The following WDR59 variants were observed in gnomAD, a reference collection of about 807,000 sequenced individuals.
WDR59 encodes WD repeat domain 59, also known as GATOR2 complex protein WDR59.
A neutral mutation model predicts 131.2 loss-of-function variants in WDR59; 100 were observed. The observed-to-expected ratio is 0.76, with a 90% CI of 0.65 to 0.90. The LOEUF (loss-of-function observed/expected upper bound fraction) is 0.90. Among genes scored for constraint, WDR59 ranks in the 40% least tolerant of loss-of-function variants. The probability of loss-of-function intolerance (pLI) is 0.00; values close to 1 mark genes in which losing one functional copy is unlikely to be tolerated. For missense variants in WDR59, 1,203 were observed against 1,262.2 expected (o/e 0.95, Z 0.71); for synonymous variants, 601 against 466.2 (o/e 1.29, Z -3.72).
intron 18 of WDR59, among the ~76,000 whole-genome samples, chr16:74,898,394 A>AT (rs1417371784): frequency 1.3e-5 from 2 of 152,238 alleles, no homozygotes; most frequent in African/African-American, 4.8e-5. Context: ...TCAATAGAAA[A>AT]TGTCCTGTCC....
intron 6 of WDR59, among the ~76,000 whole-genome samples, chr16:74,943,516 A>C (rs909757831): frequency 2.6e-5 from 4 of 152,220 alleles, no homozygotes; most frequent in African/African-American, 9.6e-5. Context: ...TACTTAAGAC[A>C]GGAGGCATAA....
intron 1 of WDR59, among the ~76,000 whole-genome samples, chr16:74,981,813 G>C (rs971618000): frequency 7.0e-6 from 1 of 142,062 alleles, no homozygotes; most frequent in African/African-American, 2.6e-5. Flanking sequence ...ATGCCACTAT[G>C]GTCGGCTAAT....
intron 8 of WDR59, among the ~76,000 whole-genome samples, chr16:74,925,511 T>C (rs1049904357): frequency 6.7e-5 from 9 of 134,132 alleles, no homozygotes; most frequent in Non-Finnish European, 1.2e-4. Context: ...AACACTGCAC[T>C]CCAGCCTGGG....
chr16:74,921,893 A>G (rs1285313681), intron 10 of WDR59, 54 bp downstream of exon 10: 3 of 1,577,868 alleles, frequency 1.9e-6, no homozygotes, highest in Non-Finnish European at 2.6e-6. Context: ...ACTGACTGGC[A>G]CCGCTGTCAC....
rs542589689 is a variant in WDR59 at position 74,921,165 on chromosome 16, G to C, written c.886+782C>G. Among the ~76,000 whole-genome samples, 9 of 152,100 alleles carry C rather than the reference G, an allele frequency of 5.9e-5. No individual in the cohort carries two copies. The South Asian group carries it at 1.9e-3, about 32-fold the overall frequency. The stretch of plus-strand genomic sequence containing the variant: ...ACAAAGGCAAACTCCTGTCATGGGG[G>C]TTTGTTGTACAGATTATTTCATCAC... On this transcript the variant is annotated intron_variant, in intron 10 of 25. Transcript: ENST00000262144.
intron 1 of WDR59, among the ~76,000 whole-genome samples, chr16:74,981,136 C>T (rs956236747): frequency 3.1e-4 from 47 of 151,660 alleles, no homozygotes; most frequent in African/African-American, 1.1e-3. Flanking sequence ...GAGGCTGAGG[C>T]GGGCGGATCA....
intron 25 of WDR59, among the ~76,000 whole-genome samples, chr16:74,879,582 TC>T (rs2144760751): frequency 6.6e-6 from 1 of 152,314 alleles, no homozygotes; most frequent in South Asian, 2.1e-4. Flanking sequence ...TGATCTATTT[TC>T]TACTAGAAAG....
chr16:74,889,454 A>ATC (rs1007514016), intron 21 of WDR59, among the ~76,000 whole-genome samples: 8 of 152,204 alleles, frequency 5.3e-5, no homozygotes, highest in African/African-American at 1.9e-4. Context: ...TAAAGCATGA[A>ATC]TCTCTAAAGG....
At chr16:74,914,451 A>G (rs1188621548) in intron 13 of WDR59, among the ~76,000 whole-genome samples, 1 of 152,180 alleles carries the variant, frequency 6.6e-6, no homozygotes, top group Non-Finnish European at 1.5e-5. Context: ...AGTAAAGAGA[A>G]AAGAACCACA....
intron 10 of WDR59, among the ~76,000 whole-genome samples, chr16:74,921,343 G>C (rs1276807615): frequency 6.6e-6 from 1 of 151,826 alleles, no homozygotes; most frequent in Non-Finnish European, 1.5e-5. Flanking sequence ...TCAAAATTTT[G>C]CTACTGGCCA....
intron 9 of WDR59, 21 bp from the exon 10 acceptor site, chr16:74,922,124 G>A (rs1247571579): frequency 1.2e-6 from 2 of 1,613,674 alleles, no homozygotes; most frequent in South Asian, 2.2e-5. Context: ...GAAGGGAAAA[G>A]CAGGTGATTA....
chr16:74,921,183 T>G (rs1410529314), intron 10 of WDR59, among the ~76,000 whole-genome samples: 1 of 152,114 alleles, frequency 6.6e-6, no homozygotes, highest in Non-Finnish European at 1.5e-5. Context: ...TACAGATTAT[T>G]TCATCACCCA....
chr16:74,984,719 C>G (rs1196403546), intron 1 of WDR59: 1 of 563,762 alleles, frequency 1.8e-6, no homozygotes, highest in Non-Finnish European at 3.2e-6. Flanking sequence ...CTCAGTGTCA[C>G]AAGGCGGACC....
At chr16:74,889,896 A>G (rs1399272854) in intron 20 of WDR59, 81 bp from the exon 21 acceptor site, 2 of 1,042,184 alleles carry the variant, frequency 1.9e-6, no homozygotes, top group Non-Finnish European at 2.8e-6. Context: ...CCTGTCTTCC[A>G]TATAAAACCT....
At chr16:74,934,141 T>C (rs939335805) in intron 8 of WDR59, among the ~76,000 whole-genome samples, 1 of 152,166 alleles carries the variant, frequency 6.6e-6, no homozygotes, top group Non-Finnish European at 1.5e-5. Context: ...ATCCACAGTA[T>C]GTGGAAAGCT....
intron 17 of WDR59, among the ~76,000 whole-genome samples, chr16:74,905,105 G>C (rs1479607086): frequency 6.6e-6 from 1 of 152,224 alleles, no homozygotes; most frequent in Non-Finnish European, 1.5e-5. Flanking sequence ...GCCAGGTGCG[G>C]TGGCTCACGC....
At chr16:74,909,248 G>C (rs1965965826) in intron 16 of WDR59, among the ~76,000 whole-genome samples, 1 of 152,082 alleles carries the variant, frequency 6.6e-6, no homozygotes, top group Non-Finnish European at 1.5e-5. Flanking sequence ...CTAAGAATCA[G>C]GGCTCTGAGT....
rs762288713 is a variant in WDR59, at chr16:74,906,313, C to CAAAAA, written c.1713-2218_1713-2214dup. On this transcript the variant is annotated intron_variant, in intron 17 of 25. Coordinates refer to ENST00000262144, the MANE Select transcript of WDR59 (RefSeq NM_030581.4). ...TGAGCGACAGAGCAAGACTCCGTCT[C>CAAAAA]AAAAAAAAAAAAACCCACAGTGAGA... 1.6e-3 allele frequency among the ~76,000 whole-genome samples: 53 copies of CAAAAA among 32,462 alleles called. 11 individuals carry two copies. Among genetic ancestry groups the CAAAAA allele is most frequent in the Middle Eastern group, 0.036 (1 of 28 alleles). 21.3% of individuals were successfully genotyped at this position (32,462 alleles called of 152,430 possible).
chr16:74,965,945 T>C, intron 1 of WDR59, 123 bp from the exon 2 acceptor site: 2 of 884,564 alleles, frequency 2.3e-6, no homozygotes, highest in Non-Finnish European at 3.6e-6. Flanking sequence ...GTATCATTAG[T>C]TCTCTACAGT....
Sources: gnomAD v4.1 joint callset for allele counts (sites outside exome capture counted in the v4.1 genomes callset) on GRCh38, gnomAD v4.1.1 for gene constraint, MANE v1.5 for transcripts, NCBI Gene and HGNC (gene_info 2026-07-23, HGNC 2026-07-21) for gene names.